Variants in LARP4B observed in about 807,000 individuals in gnomAD.
LARP4B encodes the protein La ribonucleoprotein 4B, also known as la-related protein 4B.
A neutral mutation model predicts 89.8 loss-of-function variants in LARP4B; 12 were observed. The observed-to-expected ratio is 0.13, with a 90% CI of 0.09 to 0.22. LARP4B has a LOEUF of 0.22. Among genes scored for constraint, LARP4B ranks in the 10% least tolerant of loss-of-function variants. LARP4B has a pLI of 1.00. For missense variants in LARP4B, 757 were observed against 947.7 expected (o/e 0.80, Z 2.64); for synonymous variants, 367 against 363.3 (o/e 1.01, Z -0.12).
At chr10:823,602 T>G (rs905058094) in intron 13 of LARP4B, among the ~76,000 whole-genome samples, 1 of 151,134 alleles carries the variant, frequency 6.6e-6, no homozygotes, top group Non-Finnish European at 1.5e-5. Context: ...CGGGGGGCCT[T>G]GTCCATCTAG....
chr10:846,269 C>T (rs1285144638), intron 5 of LARP4B, among the ~76,000 whole-genome samples: 1 of 152,218 alleles, frequency 6.6e-6, no homozygotes, highest in East Asian at 1.9e-4. Flanking sequence ...CCTGTGCTCT[C>T]GTGAAGCCAA....
Position 816,457 on chromosome 10 carries a change from C to T in LARP4B, c.1695+1268G>A, listed in dbSNP as rs559876503. The stretch of plus-strand genomic sequence containing the variant: ...CAAGAAGCAGCAATGGAGCCCACTA[C>T]ACCTGGGTGGTGGCATAAGGCTCAG... On this transcript the variant is annotated intron_variant, in intron 15 of 17. Coordinates refer to ENST00000316157, the MANE Select transcript of LARP4B (RefSeq NM_015155.3). Among the ~76,000 whole-genome samples, 20 of 152,332 alleles carry T rather than the reference C, an allele frequency of 1.3e-4. 1 individual carries two copies. The South Asian group carries it at 3.9e-3, about 30-fold the overall frequency.
the LARP4B span, among the ~76,000 whole-genome samples, chr10:945,512 C>T: frequency 1.1e-4 from 17 of 149,026 alleles, no homozygotes; most frequent in African/African-American, 3.2e-4. Context: ...TGGTGAAACC[C>T]CGTCTCTACT....
chr10:852,063 A>G (rs1439248781), intron 5 of LARP4B, among the ~76,000 whole-genome samples: 2 of 152,128 alleles, frequency 1.3e-5, no homozygotes, highest in African/African-American at 2.4e-5. Flanking sequence ...AGACTCTGTG[A>G]GCAACTAAAC....
chr10:869,808 C>T (rs939772634), intron 3 of LARP4B, among the ~76,000 whole-genome samples: 2 of 151,448 alleles, frequency 1.3e-5, no homozygotes, highest in African/African-American at 4.9e-5. Flanking sequence ...TACTTGAACC[C>T]GGCAATCACT....
Position 845,130 on chromosome 10 carries a change from T to C in LARP4B, c.431-75A>G, listed in dbSNP as rs1481407270. The C allele has an allele frequency of 5.8e-6, 6 of 1,026,904 alleles. No homozygotes were observed. The African/African-American group carries it at 9.6e-5, about 16-fold the overall frequency. 63.6% of individuals were successfully genotyped at this position (1,026,904 alleles called of 1,614,324 possible). On this transcript the variant is annotated intron_variant, in intron 5 of 17. Transcript: ENST00000316157. ...AGCAGATAATTCAGTACAGCAGTTC[T>C]AATGCTTTCAACTTACGTTCTGACA... is the stretch of plus-strand genomic sequence containing the variant.
intron 2 of LARP4B, among the ~76,000 whole-genome samples, chr10:884,779 T>C (rs1013941476): frequency 6.6e-6 from 1 of 152,182 alleles, no homozygotes; most frequent in African/African-American, 2.4e-5. Context: ...ATATTACTGC[T>C]TGACATAAAA....
At chr10:983,541 G>T in the LARP4B span, among the ~76,000 whole-genome samples, 2 of 152,180 alleles carry the variant, frequency 1.3e-5, no homozygotes, top group Admixed American at 1.3e-4. Context: ...GTGGAAAGCC[G>T]CCTTCTCTCT....
chr10:930,322 C>T (rs961981418), intron 1 of LARP4B, among the ~76,000 whole-genome samples: 1 of 152,204 alleles, frequency 6.6e-6, no homozygotes, highest in Non-Finnish European at 1.5e-5. Flanking sequence ...ACTGTTTATA[C>T]TTACAAACTC....
chr10:858,361 T>G (rs931073865), intron 5 of LARP4B, among the ~76,000 whole-genome samples: 1 of 152,184 alleles, frequency 6.6e-6, no homozygotes, highest in African/African-American at 2.4e-5. Context: ...AAAAACAAAG[T>G]TGGATCCATA....
rs553531114 is a variant in LARP4B, at chr10:823,336, C to T, written c.1484+1729G>A. On this transcript the variant is annotated intron_variant, in intron 13 of 17. Coordinates refer to ENST00000316157, the MANE Select transcript of LARP4B (RefSeq NM_015155.3). ...CTCCCTTGGTGGGGAGAGAGAGGGT[C>T]TCCATTGGTGCAAGATCTGCATCTG... Among the ~76,000 whole-genome samples, 3 of 152,092 alleles carry T rather than the reference C, an allele frequency of 2.0e-5. No individual in the cohort carries two copies. In the South Asian group the frequency reaches 6.2e-4, roughly 31 times the overall value.
the LARP4B span, among the ~76,000 whole-genome samples, chr10:949,192 G>C: frequency 6.6e-6 from 1 of 151,796 alleles, no homozygotes; most frequent in South Asian, 2.1e-4. Flanking sequence ...CCCCACGTGA[G>C]TGAGTGATCT....
chr10:863,537 ATCT>A (rs1364596004), intron 5 of LARP4B, among the ~76,000 whole-genome samples: 2 of 152,044 alleles, frequency 1.3e-5, no homozygotes, highest in African/African-American at 4.8e-5. Flanking sequence ...CCCAGGTTTC[ATCT>A]TTTGAGACCT....
intron 5 of LARP4B, among the ~76,000 whole-genome samples, chr10:858,077 A>T (rs966388522): frequency 6.6e-6 from 1 of 152,172 alleles, no homozygotes; most frequent in Non-Finnish European, 1.5e-5. Flanking sequence ...AAACAAAATT[A>T]AAAATTTTTT....
chr10:918,784 T>C (rs1428441440), intron 1 of LARP4B, among the ~76,000 whole-genome samples: 1 of 151,866 alleles, frequency 6.6e-6, no homozygotes, highest in African/African-American at 2.4e-5. Context: ...GCTTCAAAGA[T>C]AACCACAATG....
intron 3 of LARP4B, among the ~76,000 whole-genome samples, chr10:867,862 GAAAAAA>G (rs903762145): frequency 2.3e-5 from 1 of 43,356 alleles, no homozygotes; most frequent in African/African-American, 9.1e-5. Flanking sequence ...CTCCATCCTT[GAAAAAA>G]AAAAAAAAAA....
At chr10:974,704 TTC>T in the LARP4B span, among the ~76,000 whole-genome samples, 1 of 152,202 alleles carries the variant, frequency 6.6e-6, no homozygotes, top group Non-Finnish European at 1.5e-5. Flanking sequence ...CTGTAATCGG[TTC>T]TGTGTTTACA....
chr10:926,287 A>G lies in LARP4B; in HGVS notation c.-40+5141T>C, dbSNP rs567024360. Among the ~76,000 whole-genome samples, 5 of 152,382 alleles carry G rather than the reference A, an allele frequency of 3.3e-5. No individual in the cohort carries two copies. In the East Asian group the frequency reaches 9.6e-4, roughly 29 times the overall value. On this transcript the variant is annotated intron_variant, in intron 1 of 17. Transcript: ENST00000316157. ...GAAGCATAATCTCAGAAGTTAATGC[A>G]AAGCAGTCTGGAGGACTCCTAAAAT...
In LARP4B at chr10:823,326, G is replaced by A. The variant is rs181038785; in HGVS notation, c.1484+1739C>T. Among the ~76,000 whole-genome samples the A allele has an allele frequency of 7.2e-5, 11 of 152,262 alleles. No individual in the cohort carries two copies. The East Asian group carries it at 2.1e-3, about 29-fold the overall frequency. ...GACAGTTGTCCTCCCTTGGTGGGGAGAGAGAGGGTCTCCATTGGTGCAAGA... is the reference window on the plus strand; with the variant it reads ...GACAGTTGTCCTCCCTTGGTGGGGAAAGAGAGGGTCTCCATTGGTGCAAGA... On this transcript the variant is annotated intron_variant, in intron 13 of 17. Coordinates refer to ENST00000316157, the MANE Select transcript of LARP4B (RefSeq NM_015155.3).
Sources: allele counts gnomAD v4.1 joint callset (sites outside exome capture counted in the v4.1 genomes callset), GRCh38; gene constraint gnomAD v4.1.1; transcripts MANE v1.5; gene names NCBI Gene and HGNC (gene_info 2026-07-23, HGNC 2026-07-21).